The following SLX4 variants were observed in gnomAD, a reference collection of about 807,000 sequenced individuals.
SLX4 encodes the protein structure-specific endonuclease subunit SLX4.
A neutral mutation model predicts 146.2 loss-of-function variants in SLX4; 112 were observed. That is an observed-to-expected ratio of 0.77 (90% CI 0.66 to 0.90). SLX4 has a LOEUF of 0.90. Ranked by LOEUF, SLX4 falls within the 40% of genes least tolerant of loss-of-function variation. The pLI, the probability that SLX4 is intolerant of heterozygous loss-of-function variation, is 0.00. For missense variants in SLX4, 2,563 were observed against 2,392.7 expected, an observed-to-expected ratio of 1.07 and a Z score of -1.49; for synonymous variants, 1,061 against 997.7, an observed-to-expected ratio of 1.06 and a Z score of -1.20.
chr16:3,597,620 C>A lies in SLX4; in HGVS notation c.1442G>T (p.Arg481Leu), dbSNP rs145194745. Residue 481 changes from arginine (R) to leucine (L), a missense_variant, in exon 7 of 15, where the codon CGA (arginine) becomes CTA (leucine). Coordinates refer to ENST00000294008, the MANE Select transcript of SLX4 (RefSeq NM_032444.4). This position sits in a 1 kb window ranked among gnomAD's most constrained non-coding sequence, Gnocchi z 4.4. ...LLVQDSETTG[R>L]QIEDRVALLL... Reference sequence around the variant, plus strand: ...CAGGGCCACACGGTCCTCTATCTGTCGGCCTGTGGTTTCAGAGTCCTGGAC... The same window carrying A: ...CAGGGCCACACGGTCCTCTATCTGTAGGCCTGTGGTTTCAGAGTCCTGGAC... The A allele has an allele frequency of 6.2e-7, 1 of 1,614,076 alleles. No individual in the cohort carries two copies. Among genetic ancestry groups the A allele is most frequent in the South Asian group, 1.1e-5 (1 of 91,066 alleles).
At chr16:3,584,581 C>A (rs142368314) in intron 13 of SLX4, among the ~76,000 whole-genome samples, 188 bp downstream of exon 13, 1 of 152,158 alleles carries the variant, frequency 6.6e-6, no homozygotes, top group Admixed American at 6.5e-5. Flanking sequence ...AGGCTCACCC[C>A]GGCACCCAGC....
In SLX4 at chr16:3,598,012, CAA is replaced by C; in HGVS notation, c.1164-15_1164-14del. On this transcript the variant is annotated splice_polypyrimidine_tract_variant and intron_variant, in intron 5 of 14. Coordinates refer to ENST00000294008, the MANE Select transcript of SLX4 (RefSeq NM_032444.4). ...GTGATCACTGAAGCTAGAAAACAGC[CAA>C]AGAGAAAAGTTACTGGGGCTAGAGG... 6.2e-7 allele frequency: 1 copy of C among 1,614,078 alleles called. No individual in the cohort carries two copies. The highest frequency in any genetic ancestry group is 8.5e-7 in the Non-Finnish European group (1 of 1,180,020).
At chr16:3,610,625 AC>A (rs1322173295) in intron 1 of SLX4, among the ~76,000 whole-genome samples, 4 of 152,146 alleles carry the variant, frequency 2.6e-5, no homozygotes, top group Non-Finnish European at 4.4e-5. Flanking sequence ...CTGGGATCAA[AC>A]CCAGGAAGTG....
chr16:3,590,401 T>C lies in SLX4; in HGVS notation c.3237A>G (p.Pro1079=), dbSNP rs145055283. The stretch of plus-strand genomic sequence containing the variant: ...TGCTCCTGTCCCTTTTCTGCTTTGA[T>C]GGCACAGCTGGAGACAGCAAGGTTG... ...GSPTLLSPAV[P]SKQKRDRSIL... Residue 1079 remains proline (P), a synonymous_variant, in exon 12 of 15, where the codon CCA becomes CCG. Coordinates refer to ENST00000294008, the MANE Select transcript of SLX4 (RefSeq NM_032444.4). The surrounding 1 kb of genome is among the most constrained non-coding windows in gnomAD (Gnocchi z 4.8). The C allele has an allele frequency of 1.4e-5, 23 of 1,614,094 alleles. No homozygotes were observed. In the African/African-American group the frequency reaches 3.1e-4, roughly 22 times the overall value.
chr16:3,609,229 A>C lies in SLX4; in HGVS notation c.-265T>G. 1 of 397,370 alleles carries C rather than the reference A, an allele frequency of 2.5e-6. No homozygotes were observed. Among genetic ancestry groups the C allele is most frequent in the Non-Finnish European group, 4.7e-6 (1 of 211,300 alleles). The allele number at this position is 397,370 out of a possible 1,614,324, so 24.6% of individuals were successfully genotyped here. A position where few individuals can be genotyped will look rare whatever the true frequency, so the allele number is the denominator to read the frequency against. ...CGAGACCAGCCTGGCCAATATGGTG[A>C]AACCTCGTTTCAACTGAAAATACAA... On this transcript the variant is annotated 5_prime_UTR_variant, in exon 2 of 15. Transcript: ENST00000294008.
At position 3,590,703 on chromosome 16, in the gene SLX4, C is replaced by T. The variant is rs2040576904; in HGVS notation, c.2935G>A (p.Asp979Asn). 6.2e-7 allele frequency: 1 copy of T among 1,614,066 alleles called. No individual in the cohort carries two copies. Residue 979 changes from aspartate to asparagine, a missense_variant, in exon 12 of 15, where the codon GAT becomes AAT. Transcript: ENST00000294008. This position sits in a 1 kb window ranked among gnomAD's most constrained non-coding sequence, Gnocchi z 4.8. The part of the protein sequence containing the change: ...RKEGSLPHSD[D>N]AGDYEQLFSS... ...AAGAGCTGTTCGTAATCCCCGGCAT[C>T]ATCTGAGTGCGGAAGAGAGCCTTCT...
rs1490032934 is a variant in SLX4 at position 3,599,160 on chromosome 16, C to T, written c.1164-1161G>A. ...TTAGATGACGTCTATTCTAAGGCCT[C>T]AAGGCTTGCACCCCTGCCATGCTAA... On this transcript the variant is annotated intron_variant, in intron 5 of 14. Transcript: ENST00000294008. Among the ~76,000 whole-genome samples, 4 of 152,196 alleles carry T rather than the reference C, an allele frequency of 2.6e-5. No individual in the cohort carries two copies. The East Asian group carries it at 5.8e-4, about 22-fold the overall frequency.
intron 10 of SLX4, among the ~76,000 whole-genome samples, chr16:3,593,967 G>A (rs561377021): frequency 8.5e-5 from 13 of 152,166 alleles, no homozygotes; most frequent in Admixed American, 1.3e-4. Context: ...CGCCTCCCAG[G>A]TTCATGCCAT....
rs770412592 is a variant in SLX4 at position 3,602,216 on chromosome 16, A to G, written c.852T>C (p.His284=). 7 of 1,614,030 alleles carry G rather than the reference A, an allele frequency of 4.3e-6. No individual in the cohort carries two copies. The East Asian group carries it at 1.3e-4, about 31-fold the overall frequency. The change falls in exon 4 of 15, where the codon CAT becomes CAC. Residue 284 remains histidine (H), a synonymous_variant. Transcript: ENST00000294008. Reference sequence around the variant, plus strand: ...AACCCTTTTCCTCCAGGCTATCATCATGTGCCGATGCTCCTACCCGTGCAA... The same window carrying G: ...AACCCTTTTCCTCCAGGCTATCATCGTGTGCCGATGCTCCTACCCGTGCAA... ...QEFARVGASA[H]DDSLEEKGLF...
chr16:3,606,322 T>A, intron 3 of SLX4, 152 bp downstream of exon 3: 1 of 858,126 alleles, frequency 1.2e-6, no homozygotes, highest in Non-Finnish European at 2.0e-6. Context: ...CTTCATTCTC[T>A]GGCTGGATCC....
At chr16:3,605,630 T>C (rs1012625065) in intron 3 of SLX4, among the ~76,000 whole-genome samples, 1 of 152,044 alleles carries the variant, frequency 6.6e-6, no homozygotes, top group African/African-American at 2.4e-5. Context: ...AAGGGAAAGC[T>C]TTCATAATAA....
chr16:3,593,776 T>A (rs1596524506), intron 10 of SLX4, among the ~76,000 whole-genome samples: 1 of 152,350 alleles, frequency 6.6e-6, no homozygotes, highest in East Asian at 1.9e-4. Context: ...GGCAGGTTCA[T>A]CAGCAACTCA....
chr16:3,609,260 TGGC>T lies in SLX4; in HGVS notation c.-299_-297del. ...CGTTTCAACTGAAAATACAAAAAAT[TGGC>T]CAGGCGTGGTAGCAGATGCCTGTAA... On this transcript the variant is annotated 5_prime_UTR_variant, in exon 2 of 15. Coordinates refer to ENST00000294008, the MANE Select transcript of SLX4 (RefSeq NM_032444.4). 1 of 347,498 alleles carries T rather than the reference TGGC, an allele frequency of 2.9e-6. No individual in the cohort carries two copies. The highest frequency in any genetic ancestry group is 5.6e-6 in the Non-Finnish European group (1 of 179,434). 21.5% of individuals were successfully genotyped at this position (347,498 alleles called of 1,614,324 possible). A position where few individuals can be genotyped will look rare whatever the true frequency, so the allele number is the denominator to read the frequency against.
chr16:3,589,115 G>A lies in SLX4; in HGVS notation c.4523C>T (p.Ser1508Leu), dbSNP rs112694849. The change falls in exon 12 of 15, where the codon TCG becomes TTG. Residue 1508 changes from serine (S) to leucine (L), a missense_variant. Ser to Leu is a moderately radical substitution (Grantham distance 145). Coordinates refer to ENST00000294008, the MANE Select transcript of SLX4 (RefSeq NM_032444.4). The surrounding 1 kb of genome is among the most constrained non-coding windows in gnomAD (Gnocchi z 6.2). ...LGNSRPSFLN[S>L]ALWDVWDGEE... Reference sequence around the variant, plus strand: ...CCCGTCCCAAACGTCCCACAGAGCCGAATTCAGAAAGCTCGGCCTGCTATT... The same window carrying A: ...CCCGTCCCAAACGTCCCACAGAGCCAAATTCAGAAAGCTCGGCCTGCTATT... 1.6e-5 allele frequency: 26 copies of A among 1,614,134 alleles called. No homozygotes were observed. The African/African-American group carries it at 2.1e-4, about 13-fold the overall frequency.
chr16:3,611,480 G>A (rs1399036131), intron 1 of SLX4, 80 bp downstream of exon 1: 2 of 152,420 alleles, frequency 1.3e-5, no homozygotes, highest in East Asian at 3.9e-4. Flanking sequence ...TCTCCCTTAG[G>A]AAAGAGAGAA....
rs144305094 is a variant in SLX4 at position 3,585,843 on chromosome 16, G to A, written c.4637-972C>T. On this transcript the variant is annotated intron_variant, in intron 12 of 14. Coordinates refer to ENST00000294008, the MANE Select transcript of SLX4 (RefSeq NM_032444.4). ...AATACAAAAAAAGTTAGCAGGGTGTGGTGGCCCAAGTCACCAATGTGGGCA... is the reference window on the plus strand; with the variant it reads ...AATACAAAAAAAGTTAGCAGGGTGTAGTGGCCCAAGTCACCAATGTGGGCA... 2.1e-3 allele frequency among the ~76,000 whole-genome samples: 320 copies of A among 151,766 alleles called. 1 individual carries two copies. Among genetic ancestry groups the A allele is most frequent in the African/African-American group, 7.4e-3 (306 of 41,382 alleles).
chr16:3,594,405 G>A (rs778609429), intron 10 of SLX4, 48 bp downstream of exon 10: 61 of 1,584,036 alleles, frequency 3.9e-5, no homozygotes, highest in East Asian at 2.8e-4. Flanking sequence ...GGCAGGAGGA[G>A]AGAGGGAGAG....
At position 3,582,459 on chromosome 16, in the gene SLX4, C is replaced by G. The variant is rs201687045; in HGVS notation, c.5388G>C (p.Arg1796Ser). 3 of 1,614,028 alleles carry G rather than the reference C, an allele frequency of 1.9e-6. No individual in the cohort carries two copies. Among genetic ancestry groups the G allele is most frequent in the Admixed American group, 3.3e-5 (2 of 60,028 alleles). The change falls in exon 15 of 15, where the codon AGG (arginine) becomes AGC (serine). Residue 1796 changes from arginine (R) to serine (S), a missense_variant. Transcript: ENST00000294008. Reference protein sequence around the residue: ...RQNGLRVSSRRLLDFLDTHCI... With the variant: ...RQNGLRVSSRSLLDFLDTHCI... ...AGTGGGTGTCCAGGAAGTCCAACAGCCTGCGCGAGGACACACGGAGGCCGT... is the reference window on the plus strand; with the variant it reads ...AGTGGGTGTCCAGGAAGTCCAACAGGCTGCGCGAGGACACACGGAGGCCGT...
rs372150541 is a variant in SLX4, at chr16:3,595,642, G to C, written c.1976C>G (p.Ser659Trp). Residue 659 changes from serine to tryptophan, a missense_variant, in exon 9 of 15, where the codon TCG (serine) becomes TGG (tryptophan). Physicochemically the swap from Ser to Trp is radical, Grantham distance 177 (BLOSUM62 -3). Transcript: ENST00000294008. ...GLPLTGFVVP[S>W]QDKHPDRGGR... Reference sequence around the variant, plus strand: ...GCCCCTGTCCGGGTGCTTGTCCTGCGATGGCACCACAAACCCAGTCAGAGG... The same window carrying C: ...GCCCCTGTCCGGGTGCTTGTCCTGCCATGGCACCACAAACCCAGTCAGAGG... 2.5e-6 allele frequency: 4 copies of C among 1,614,028 alleles called. No individual in the cohort carries two copies. The highest frequency in any genetic ancestry group is 2.5e-6 in the Non-Finnish European group (3 of 1,180,024).
Sources: gnomAD v4.1 joint callset for allele counts (sites outside exome capture counted in the v4.1 genomes callset) on GRCh38, gnomAD v4.1.1 for gene constraint, Gnocchi (gnomAD v3.1) non-coding constraint, MANE v1.5 for transcripts, NCBI Gene and HGNC (gene_info 2026-07-23, HGNC 2026-07-21) for gene names.